DSCAM: variants seen among roughly 807,000 people sequenced by gnomAD.
DSCAM encodes the protein cell adhesion molecule DSCAM.
DSCAM carries 47 observed loss-of-function variants against 217.7 expected under a neutral mutation model. That is an observed-to-expected ratio of 0.22 (90% CI 0.17 to 0.28). The LOEUF (loss-of-function observed/expected upper bound fraction) is 0.28. Ranked by LOEUF, DSCAM falls within the 10% of genes least tolerant of loss-of-function variation. The probability of loss-of-function intolerance (pLI) is 1.00; values close to 1 mark genes in which losing one functional copy is unlikely to be tolerated. For synonymous variants in DSCAM, 1,056 were observed against 1,015.3 expected (o/e 1.04, Z -0.76); for missense variants, 2,080 against 2,618.3 (o/e 0.79, Z 4.49).
In DSCAM at chr21:40,452,076, AC is replaced by A. The variant is rs1294940290; in HGVS notation, c.509-82832del. Among the ~76,000 whole-genome samples, 4 of 152,134 alleles carry A rather than the reference AC, an allele frequency of 2.6e-5. No individual in the cohort carries two copies. The East Asian group carries it at 7.7e-4, about 29-fold the overall frequency. Reference sequence around the variant, plus strand: ...GAGAATTTCAAAAATAATTTTTCCTACCCATTATACACAAAATCAAGATGAT... The same window carrying A: ...GAGAATTTCAAAAATAATTTTTCCTACCATTATACACAAAATCAAGATGAT... On this transcript the variant is annotated intron_variant, in intron 3 of 32. Transcript: ENST00000400454.
intron 18 of DSCAM, among the ~76,000 whole-genome samples, chr21:40,136,322 A>C (rs974924475): frequency 7.2e-5 from 11 of 152,280 alleles, no homozygotes; most frequent in African/African-American, 2.4e-4. Flanking sequence ...TTAGGATAAA[A>C]ACCCAAATGT....
intron 3 of DSCAM, among the ~76,000 whole-genome samples, chr21:40,461,118 AAAAG>A (rs1280688766): frequency 6.0e-5 from 9 of 150,328 alleles, no homozygotes; most frequent in South Asian, 2.1e-4. Flanking sequence ...GCAGCTGTTT[AAAAG>A]AAAGAAAAAA....
chr21:40,040,097 A>G (rs1338092497), intron 32 of DSCAM, among the ~76,000 whole-genome samples: 1 of 152,220 alleles, frequency 6.6e-6, no homozygotes, highest in Non-Finnish European at 1.5e-5. Context: ...AGCGACGGAA[A>G]GGTTTCCAAA....
chr21:40,655,378 C>T (rs2090062320), intron 3 of DSCAM, among the ~76,000 whole-genome samples: 1 of 152,004 alleles, frequency 6.6e-6, no homozygotes, highest in African/African-American at 2.4e-5. Flanking sequence ...TAAAATGTCA[C>T]CCTATAGCTG....
chr21:40,438,675 G>A (rs111765100), intron 3 of DSCAM, among the ~76,000 whole-genome samples: 3,169 of 152,188 alleles, frequency 0.021, 44 homozygotes, highest in Non-Finnish European at 0.029. Flanking sequence ...TTCTTTTGAT[G>A]CTAACAACAT....
At chr21:40,767,948 T>G (rs911626572) in intron 1 of DSCAM, among the ~76,000 whole-genome samples, 1 of 152,122 alleles carries the variant, frequency 6.6e-6, no homozygotes, top group Non-Finnish European at 1.5e-5. Flanking sequence ...CTATGAGATA[T>G]ACAGCATTTT....
intron 3 of DSCAM, among the ~76,000 whole-genome samples, chr21:40,593,200 C>T (rs550393526): frequency 1.1e-4 from 16 of 152,064 alleles, no homozygotes; most frequent in Non-Finnish European, 1.9e-4. Context: ...TAAGTCTGTG[C>T]TATTAATAAT....
chr21:40,693,546 A>G (rs1296982187), intron 2 of DSCAM, among the ~76,000 whole-genome samples: 1 of 152,188 alleles, frequency 6.6e-6, no homozygotes, highest in African/African-American at 2.4e-5. Flanking sequence ...CAAAGTTATG[A>G]TGATGGCAAA....
chr21:40,500,077 C>T (rs940938001), intron 3 of DSCAM, among the ~76,000 whole-genome samples: 9 of 152,136 alleles, frequency 5.9e-5, no homozygotes, highest in African/African-American at 1.4e-4. Flanking sequence ...TGAGCCACTG[C>T]GCCCGGCTGA....
At chr21:40,647,123 T>C (rs2089957305) in intron 3 of DSCAM, among the ~76,000 whole-genome samples, 1 of 152,204 alleles carries the variant, frequency 6.6e-6, no homozygotes, top group Admixed American at 6.5e-5. Context: ...CATCACTTTA[T>C]TGGTGGCCGA....
At chr21:40,113,280 T>G (rs978305819) in intron 20 of DSCAM, among the ~76,000 whole-genome samples, 1 of 152,110 alleles carries the variant, frequency 6.6e-6, no homozygotes, top group African/African-American at 2.4e-5. Flanking sequence ...ATAAACGTAA[T>G]CCAGCATATA....
chr21:40,789,284 A>G (rs2091619045), intron 1 of DSCAM, among the ~76,000 whole-genome samples: 1 of 150,758 alleles, frequency 6.6e-6, no homozygotes, highest in Non-Finnish European at 1.5e-5. Context: ...AAAAAAAATC[A>G]CACTTTCAGA....
intron 3 of DSCAM, 66 bp from the exon 4 acceptor site, chr21:40,369,311 G>A: frequency 1.3e-6 from 2 of 1,496,202 alleles, no homozygotes; most frequent in Non-Finnish European, 1.8e-6. Context: ...CACAGACAAA[G>A]TCCTTAAACA....
At chr21:40,065,215 T>C (rs1481934463) in intron 27 of DSCAM, among the ~76,000 whole-genome samples, 1 of 152,048 alleles carries the variant, frequency 6.6e-6, no homozygotes, top group Non-Finnish European at 1.5e-5. Flanking sequence ...TAGAACAACA[T>C]GGAAGCAGCA....
intron 3 of DSCAM, among the ~76,000 whole-genome samples, chr21:40,420,947 A>C (rs1050138441): frequency 6.6e-6 from 1 of 152,148 alleles, no homozygotes; most frequent in Non-Finnish European, 1.5e-5. Flanking sequence ...CTTTCGCTGT[A>C]AGCCACTCAC....
chr21:40,796,914 C>T (rs2091696486), intron 1 of DSCAM, among the ~76,000 whole-genome samples: 3 of 152,184 alleles, frequency 2.0e-5, no homozygotes, highest in African/African-American at 4.8e-5. Context: ...ACTTATTTTC[C>T]TTGTCTCTTG....
intron 6 of DSCAM, 113 bp from the exon 7 acceptor site, chr21:40,339,528 A>G: frequency 8.9e-7 from 1 of 1,122,428 alleles, no homozygotes; most frequent in Middle Eastern, 2.0e-4. Context: ...AACATTACCA[A>G]AAAGGTCTGG....
At chr21:40,171,284 C>T (rs147965410) in intron 15 of DSCAM, among the ~76,000 whole-genome samples, 2,115 of 151,980 alleles carry the variant, frequency 0.014, 39 homozygotes, top group African/African-American at 0.048. Flanking sequence ...CGCCATGTTG[C>T]CCAGGCTGGT....
intron 4 of DSCAM, among the ~76,000 whole-genome samples, chr21:40,360,121 GTCTT>G (rs1376115657): frequency 1.2e-5 from 1 of 82,654 alleles, no homozygotes; most frequent in African/African-American, 5.0e-5. Context: ...TTCATAGGTA[GTCTT>G]TTTTTTTTTT....
Sources: allele counts gnomAD v4.1 joint callset (sites outside exome capture counted in the v4.1 genomes callset), GRCh38; gene constraint gnomAD v4.1.1; transcripts MANE v1.5; gene names NCBI Gene and HGNC (gene_info 2026-07-23, HGNC 2026-07-21).